The following RAPGEF4 variants were observed in gnomAD, a reference collection of about 807,000 sequenced individuals.
The protein encoded by RAPGEF4 is RAP guanine-nucleotide-exchange factor (GEF) 4.
Under a neutral mutation model 147.9 loss-of-function variants are expected in RAPGEF4, and 66 were observed. The ratio of observed to expected loss-of-function variants is 0.45; its 90% CI spans 0.37 to 0.55. The LOEUF (loss-of-function observed/expected upper bound fraction) is 0.55, where lower values mean the gene tolerates loss of function less well. Among genes scored for constraint, RAPGEF4 ranks in the 20% least tolerant of loss-of-function variants. The probability of loss-of-function intolerance (pLI) is 0.00; values close to 1 mark genes in which losing one functional copy is unlikely to be tolerated. For missense variants in RAPGEF4, 1,071 were observed against 1,257.3 expected, an observed-to-expected ratio of 0.85 and a Z score of 2.24; for synonymous variants, 419 against 442.7, an observed-to-expected ratio of 0.95 and a Z score of 0.67.
intron 4 of RAPGEF4, among the ~76,000 whole-genome samples, chr2:172,878,785 A>G (rs1242006632): frequency 1.3e-5 from 2 of 152,346 alleles, no homozygotes; most frequent in South Asian, 2.1e-4. Flanking sequence ...AGAAAGGAAT[A>G]TATTTCTTCT....
At position 173,051,906 on chromosome 2, in the gene RAPGEF4, G is replaced by A. The variant is rs1686285701; in HGVS notation, c.*139G>A. The A allele has an allele frequency of 4.3e-6, 4 of 930,048 alleles. No individual in the cohort carries two copies. The highest frequency in any genetic ancestry group is 6.4e-6 in the Non-Finnish European group (4 of 627,164). The allele number at this position is 930,048 out of a possible 1,614,324, so 57.6% of individuals were successfully genotyped here. On this transcript the variant is annotated 3_prime_UTR_variant, in exon 31 of 31. Coordinates refer to ENST00000397081, the MANE Select transcript of RAPGEF4 (RefSeq NM_007023.4). Reference sequence around the variant, plus strand: ...ACACATCCTGAGACACCTCAGGGCTGCATTCAGCTTACCAGCTACCTAGCA... The same window carrying A: ...ACACATCCTGAGACACCTCAGGGCTACATTCAGCTTACCAGCTACCTAGCA...
chr2:172,900,364 C>T (rs1020147371), intron 4 of RAPGEF4, among the ~76,000 whole-genome samples: 11 of 152,082 alleles, frequency 7.2e-5, no homozygotes, highest in African/African-American at 2.4e-4. Context: ...CTCAGCTGCC[C>T]GAGTAGCTGG....
At chr2:172,752,722 C>A (rs1469738290) in intron 1 of RAPGEF4, among the ~76,000 whole-genome samples, 6 of 152,128 alleles carry the variant, frequency 3.9e-5, no homozygotes, top group Admixed American at 2.6e-4. Context: ...TAGAACATAC[C>A]AAGAGAACCA....
chr2:172,791,750 TTA>T (rs1324665205), intron 1 of RAPGEF4, among the ~76,000 whole-genome samples: 1 of 152,210 alleles, frequency 6.6e-6, no homozygotes, highest in Non-Finnish European at 1.5e-5. Flanking sequence ...CTTTTGTCAT[TTA>T]ACAATCTGGT....
intron 4 of RAPGEF4, among the ~76,000 whole-genome samples, chr2:172,892,747 T>C (rs1342373162): frequency 1.3e-5 from 2 of 152,232 alleles, no homozygotes; most frequent in South Asian, 2.1e-4. Flanking sequence ...CTTTCACTCC[T>C]GCTTCCTGGG....
intron 4 of RAPGEF4, among the ~76,000 whole-genome samples, chr2:172,860,703 G>A (rs1348287306): frequency 2.0e-5 from 3 of 151,550 alleles, no homozygotes; most frequent in African/African-American, 4.9e-5. Context: ...CTCCTCCTGT[G>A]GTCTTTTGTT....
chr2:172,811,211 C>T (rs756961907), intron 3 of RAPGEF4, among the ~76,000 whole-genome samples: 14 of 152,188 alleles, frequency 9.2e-5, no homozygotes, highest in South Asian at 2.1e-4. Flanking sequence ...TGCAGATGCT[C>T]GAGGTGGCAC....
intron 4 of RAPGEF4, among the ~76,000 whole-genome samples, chr2:172,821,279 C>A (rs1293204347): frequency 6.6e-6 from 1 of 152,128 alleles, no homozygotes; most frequent in African/African-American, 2.4e-5. Flanking sequence ...ATGCCCGGCC[C>A]ACCTGCAGAC....
intron 1 of RAPGEF4, among the ~76,000 whole-genome samples, chr2:172,768,500 A>G (rs1037272890): frequency 6.0e-5 from 9 of 150,140 alleles, no homozygotes; most frequent in Admixed American, 3.3e-4. Flanking sequence ...TTTTGCAACC[A>G]AAAGTAAAAA....
At chr2:172,928,252 T>G (rs752307888) in intron 6 of RAPGEF4, 6 of 453,276 alleles carry the variant, frequency 1.3e-5, no homozygotes, top group Admixed American at 2.4e-5. Context: ...TGGGGCAGAC[T>G]GTCGTTGCTG....
At chr2:172,842,440 A>G (rs1416479022) in intron 4 of RAPGEF4, among the ~76,000 whole-genome samples, 1 of 152,124 alleles carries the variant, frequency 6.6e-6, no homozygotes, top group African/African-American at 2.4e-5. Context: ...ACACCTCTTA[A>G]TTTTCTCCTG....
chr2:172,796,094 T>C (rs1686332323), intron 2 of RAPGEF4, among the ~76,000 whole-genome samples: 2 of 152,124 alleles, frequency 1.3e-5, no homozygotes, highest in Non-Finnish European at 1.5e-5. Context: ...CCAGGACTGA[T>C]TTAGACCAAT....
intron 4 of RAPGEF4, among the ~76,000 whole-genome samples, chr2:172,863,084 T>G (rs1476211600): frequency 1.3e-5 from 2 of 152,136 alleles, no homozygotes; most frequent in Non-Finnish European, 2.9e-5. Flanking sequence ...TGACAGAATA[T>G]GGCAGCAGAT....
chr2:172,990,017 CAAAA>C (rs10689863), intron 14 of RAPGEF4, among the ~76,000 whole-genome samples: 1 of 128,936 alleles, frequency 7.8e-6, no homozygotes, highest in African/African-American at 3.0e-5. Flanking sequence ...GGTCTTAATG[CAAAA>C]AAAAAAAAGA....
chr2:172,874,023 G>A (rs745500253), intron 4 of RAPGEF4, among the ~76,000 whole-genome samples: 19 of 152,294 alleles, frequency 1.2e-4, no homozygotes, highest in East Asian at 7.7e-4. Context: ...AGTTAGAATG[G>A]CAATCATTAG....
At chr2:172,952,387 G>A (rs775681131) in intron 6 of RAPGEF4, among the ~76,000 whole-genome samples, 5 of 152,200 alleles carry the variant, frequency 3.3e-5, no homozygotes, top group Non-Finnish European at 7.3e-5. Context: ...GAATGATGAG[G>A]CCAAGGCTTA....
intron 12 of RAPGEF4, 77 bp downstream of exon 12, chr2:172,985,570 T>C: frequency 6.4e-7 from 1 of 1,571,026 alleles, no homozygotes; most frequent in Non-Finnish European, 8.6e-7. Context: ...GCCAGGCTGC[T>C]AACGCCTCAC....
chr2:172,986,567 T>C (rs1432785871), intron 12 of RAPGEF4, among the ~76,000 whole-genome samples: 4 of 152,236 alleles, frequency 2.6e-5, no homozygotes, highest in African/African-American at 9.6e-5. Context: ...CTTTTATTCT[T>C]TTCATTCAAA....
intron 18 of RAPGEF4, 32 bp downstream of exon 18, chr2:173,014,646 C>A: frequency 6.3e-7 from 1 of 1,599,786 alleles, no homozygotes; most frequent in Non-Finnish European, 8.5e-7. Context: ...CAAGAATATA[C>A]TGTTGTCCTG....
Sources: gnomAD v4.1 joint callset for allele counts (sites outside exome capture counted in the v4.1 genomes callset) on GRCh38, gnomAD v4.1.1 for gene constraint, MANE v1.5 for transcripts, NCBI Gene and HGNC (gene_info 2026-07-23, HGNC 2026-07-21) for gene names.